Variants in CWC22 observed in about 807,000 individuals in gnomAD.
CWC22 encodes pre-mRNA-splicing factor CWC22 homolog.
In CWC22, 53 loss-of-function variants were observed where a neutral mutation model predicts 117.2. The ratio of observed to expected loss-of-function variants is 0.45; its 90% CI spans 0.36 to 0.57. The LOEUF is 0.57. Ranked by LOEUF, CWC22 falls within the 20% of genes least tolerant of loss-of-function variation. CWC22 has a pLI of 0.00. For synonymous variants in CWC22, 360 were observed against 355.6 expected (o/e 1.01, Z -0.14); for missense variants, 980 against 1,068.8 (o/e 0.92, Z 1.16).
At chr2:179,991,529 G>C (rs376073382) in intron 2 of CWC22, among the ~76,000 whole-genome samples, 1 of 152,160 alleles carries the variant, frequency 6.6e-6, no homozygotes, top group Non-Finnish European at 1.5e-5. Context: ...CGGGCAGGCT[G>C]GGGGAGAAAA....
chr2:179,956,552 C>G (rs1329286616), intron 14 of CWC22, among the ~76,000 whole-genome samples: 2 of 150,726 alleles, frequency 1.3e-5, no homozygotes, highest in Non-Finnish European at 3.0e-5. Context: ...CAACATAGGG[C>G]TGGCTACTTT....
chr2:179,945,516 A>G lies in CWC22; in HGVS notation c.2340T>C (p.Pro780=). 8 of 1,613,222 alleles carry G rather than the reference A, an allele frequency of 5.0e-6. No homozygotes were observed. The highest frequency in any genetic ancestry group is 6.8e-6 in the Non-Finnish European group (8 of 1,179,418). Residue 780 remains proline (P), a synonymous_variant, in exon 20 of 20, where the codon CCT becomes CCC. Transcript: ENST00000410053. ...CTTTGTCTGATGTGTACTTTGTTATAGGATCTCTCCAATTTGAACCACTTG... is the reference window on the plus strand; with the variant it reads ...CTTTGTCTGATGTGTACTTTGTTATGGGATCTCTCCAATTTGAACCACTTG... ...QNSSGSNWRD[P]ITKYTSDKDV... is the part of the protein sequence containing the mutation.
At chr2:179,958,330 CAAAAAAAA>C (rs11453659) in intron 14 of CWC22, among the ~76,000 whole-genome samples, 1 of 92,798 alleles carries the variant, frequency 1.1e-5, no homozygotes, top group Non-Finnish European at 1.9e-5. Flanking sequence ...GACTCTGGCT[CAAAAAAAA>C]AAAAAAAAAA....
intron 11 of CWC22, 63 bp downstream of exon 11, chr2:179,970,438 T>TA (rs1687002330): frequency 1.5e-6 from 2 of 1,368,028 alleles, no homozygotes; most frequent in Admixed American, 4.6e-5. Context: ...CTATCAGTAT[T>TA]ACGTAACTAC....
At position 179,970,814 on chromosome 2, in the gene CWC22, A is replaced by G; in HGVS notation, c.983T>C (p.Ile328Thr). ...RLRNILHESE[I>T]DKRVQYMIEV... is the part of the protein sequence containing the mutation. ...AATCATATATTGAACTCTTTTGTCAATTTCAGACTCATGCAGAATGTTTCG... is the reference window on the plus strand; with the variant it reads ...AATCATATATTGAACTCTTTTGTCAGTTTCAGACTCATGCAGAATGTTTCG... Residue 328 changes from isoleucine to threonine, a missense_variant, in exon 10 of 20, where the codon ATT becomes ACT. By Grantham distance (89) the Ile-to-Thr change is moderately conservative. Around this residue, in one of 3 missense-constraint regions of CWC22, gnomAD observed 559 missense variants for 602.3 expected, o/e 0.93. Transcript: ENST00000410053. The G allele has an allele frequency of 2.5e-6, 4 of 1,613,792 alleles. No homozygotes were observed. Among genetic ancestry groups the G allele is most frequent in the Non-Finnish European group, 2.5e-6 (3 of 1,179,752 alleles).
Position 179,970,561 on chromosome 2 carries a change from C to A in CWC22, c.1150G>T (p.Val384Phe). 2 of 1,548,880 alleles carry A rather than the reference C, an allele frequency of 1.3e-6. No homozygotes were observed. Among genetic ancestry groups the A allele is most frequent in the Non-Finnish European group, 1.7e-6 (2 of 1,145,286 alleles). The change falls in exon 11 of 20, where the codon GTT becomes TTT. Residue 384 changes from valine (V) to phenylalanine (F), a missense_variant and splice_region_variant. Coordinates refer to ENST00000410053, the MANE Select transcript of CWC22 (RefSeq NM_020943.3). ...DDYNPEDVLN[V>F]FKMDPNFMEN... is the part of the protein sequence containing the mutation. ...ATAAAATTAGGATCCATCTTGAAAA[C>A]ATCTAAAAAAAATGTAAAAGTTAAT...
At chr2:179,957,163 T>C (rs564733277) in intron 14 of CWC22, among the ~76,000 whole-genome samples, 2 of 152,282 alleles carry the variant, frequency 1.3e-5, no homozygotes, top group East Asian at 3.9e-4. Flanking sequence ...GTAATTTCAG[T>C]GACAATTATA....
At chr2:179,956,058 C>T (rs912506158) in intron 14 of CWC22, among the ~76,000 whole-genome samples, 10 of 151,804 alleles carry the variant, frequency 6.6e-5, no homozygotes, top group Non-Finnish European at 1.3e-4. Context: ...TTAATTTTTA[C>T]CTTTATATTT....
chr2:179,955,120 G>A, intron 14 of CWC22, 86 bp from the exon 15 acceptor site: 1 of 959,498 alleles, frequency 1.0e-6, no homozygotes, highest in Non-Finnish European at 1.6e-6. Context: ...GTGACTGCCT[G>A]CATTTTTAAA....
intron 5 of CWC22, among the ~76,000 whole-genome samples, chr2:179,981,449 A>T (rs1327433060): frequency 6.6e-6 from 1 of 152,242 alleles, no homozygotes; most frequent in East Asian, 1.9e-4. Flanking sequence ...ATCAATAGGA[A>T]TGCATCCATG....
chr2:179,995,365 C>CTTTA (rs1687673280), intron 1 of CWC22, among the ~76,000 whole-genome samples: 1 of 152,142 alleles, frequency 6.6e-6, no homozygotes, highest in African/African-American at 2.4e-5. Context: ...TGCCCCTCTA[C>CTTTA]CTTAAACAGT....
In CWC22 at chr2:179,981,883, G is replaced by C. The variant is rs1687295591; in HGVS notation, c.321C>G (p.Ser107=). ...TTGTAGCAGGTTCATCCTGAGCAGA[G>C]GAACTCTGAGTTACTGATGTTTCTG... ...RNPETSVTQS[S]SAQDEPATKK... The change falls in exon 5 of 20, where the codon TCC becomes TCG. Residue 107 remains serine, a synonymous_variant. Transcript: ENST00000410053. 1.9e-6 allele frequency: 3 copies of C among 1,610,368 alleles called. No individual in the cohort carries two copies. Among genetic ancestry groups the C allele is most frequent in the East Asian group, 4.5e-5 (2 of 44,820 alleles).
At chr2:179,977,502 C>T (rs946952380) in intron 6 of CWC22, among the ~76,000 whole-genome samples, 4 of 151,892 alleles carry the variant, frequency 2.6e-5, no homozygotes, top group Admixed American at 1.3e-4. Context: ...CACTAATATG[C>T]GGAATCTAAA....
rs1687621679 is a variant in CWC22 at position 179,993,458 on chromosome 2, T to C, written c.-113-4A>G. The C allele has an allele frequency of 2.9e-6, 2 of 699,764 alleles. No homozygotes were observed. Among genetic ancestry groups the C allele is most frequent in the Non-Finnish European group, 5.0e-6 (2 of 396,744 alleles). The allele number at this position is 699,764 out of a possible 1,614,324, so 43.3% of individuals were successfully genotyped here. ...TTTTTCTGTCTGCAAACATCACCTA[T>C]AAAATATACCAAAGAAAGCTTTATT... On this transcript the variant is annotated splice_polypyrimidine_tract_variant and splice_region_variant and intron_variant, in intron 1 of 19. Coordinates refer to ENST00000410053, the MANE Select transcript of CWC22 (RefSeq NM_020943.3).
At chr2:179,997,008 T>C (rs1282828938) in intron 1 of CWC22, among the ~76,000 whole-genome samples, 1 of 152,054 alleles carries the variant, frequency 6.6e-6, no homozygotes, top group African/African-American at 2.4e-5. Context: ...TAAAGGGAAA[T>C]GATGCTAGAT....
At chr2:180,000,138 C>T (rs1308155028) in intron 1 of CWC22, among the ~76,000 whole-genome samples, 2 of 152,108 alleles carry the variant, frequency 1.3e-5, no homozygotes, top group Admixed American at 1.3e-4. Flanking sequence ...TTTTTCCTGT[C>T]TTAATTTACA....
rs531092248 is a variant in CWC22 at position 180,002,024 on chromosome 2, C to T, written c.-114+4843G>A. On this transcript the variant is annotated intron_variant, in intron 1 of 19. Transcript: ENST00000410053. ...ATCTGTGGAAGATCATCTCCATCCCCATAGCTTTAATTAACATGCGAAAAC... is the reference window on the plus strand; with the variant it reads ...ATCTGTGGAAGATCATCTCCATCCCTATAGCTTTAATTAACATGCGAAAAC... Among the ~76,000 whole-genome samples, 218 of 152,304 alleles carry T rather than the reference C, an allele frequency of 1.4e-3. 3 individuals carry two copies. Among genetic ancestry groups the T allele is most frequent in the African/African-American group, 4.8e-3 (199 of 41,562 alleles).
Position 179,966,001 on chromosome 2 carries a change from GT to G in CWC22, c.1211-20del. The stretch of plus-strand genomic sequence containing the variant: ...AGAATTTCTGTAAAGTACAAAGTAA[GT>G]TTAGGAAAAAAATGTGCAAGTCATA... On this transcript the variant is annotated intron_variant, in intron 11 of 19. Coordinates refer to ENST00000410053, the MANE Select transcript of CWC22 (RefSeq NM_020943.3). 1 of 1,586,378 alleles carries G rather than the reference GT, an allele frequency of 6.3e-7. No homozygotes were observed.
intron 13 of CWC22, among the ~76,000 whole-genome samples, chr2:179,963,708 T>G (rs2105520480): frequency 6.6e-6 from 1 of 152,310 alleles, no homozygotes; most frequent in South Asian, 2.1e-4. Context: ...CCAACCAATG[T>G]TTTGCTGTTT....
Sources: allele counts gnomAD v4.1 joint callset (sites outside exome capture counted in the v4.1 genomes callset), GRCh38; gene constraint gnomAD v4.1.1; regional missense constraint gnomAD v4.1.1; transcripts MANE v1.5; gene names NCBI Gene and HGNC (gene_info 2026-07-23, HGNC 2026-07-21).